The following SLC4A4 variants were observed in gnomAD, a reference collection of about 807,000 sequenced individuals.
SLC4A4 encodes solute carrier family 4 member 4.
Under a neutral mutation model 111.5 loss-of-function variants are expected in SLC4A4, and 27 were observed. The ratio of observed to expected loss-of-function variants is 0.24; its 90% confidence interval spans 0.18 to 0.33. The LOEUF (loss-of-function observed/expected upper bound fraction) is 0.33, where lower values mean the gene tolerates loss of function less well. SLC4A4 is among the 10% of genes least tolerant of loss of function. The pLI, the probability that SLC4A4 is intolerant of heterozygous loss-of-function variation, is 1.00. For synonymous variants in SLC4A4, 443 were observed against 463.4 expected (o/e 0.96, Z 0.57); for missense variants, 909 against 1,315.5 (o/e 0.69, Z 4.78).
intron 1 of SLC4A4, among the ~76,000 whole-genome samples, chr4:71,227,230 G>A (rs1400538112): frequency 6.6e-6 from 1 of 152,144 alleles, no homozygotes; most frequent in Non-Finnish European, 1.5e-5. Flanking sequence ...ATTAATTAGA[G>A]GAAATAGCAT....
chr4:71,440,464 T>C (rs1671658096), intron 7 of SLC4A4, 152 bp from the exon 8 acceptor site: 3 of 769,978 alleles, frequency 3.9e-6, no homozygotes, highest in Admixed American at 4.1e-5. Flanking sequence ...TAAAAGTGGC[T>C]AGCTAGAACA....
intron 1 of SLC4A4, among the ~76,000 whole-genome samples, chr4:71,228,293 G>A (rs574442515): frequency 2.0e-5 from 3 of 152,254 alleles, no homozygotes; most frequent in African/African-American, 7.2e-5. Context: ...TGGAGAAGAT[G>A]GAAAGGGAGA....
At chr4:71,360,134 G>A (rs1730641234) in intron 6 of SLC4A4, among the ~76,000 whole-genome samples, 1 of 152,108 alleles carries the variant, frequency 6.6e-6, no homozygotes, top group Non-Finnish European at 1.5e-5. Context: ...ATTGCTTTCT[G>A]CCTGTTTCAC....
chr4:71,300,966 C>G, intron 3 of SLC4A4: 1 of 509,226 alleles, frequency 2.0e-6, no homozygotes, highest in South Asian at 1.5e-5. Context: ...CAGGGCTGAT[C>G]ATGTGAAGGG....
chr4:71,523,101 T>C (rs73829822), intron 16 of SLC4A4, among the ~76,000 whole-genome samples: 2,121 of 152,272 alleles, frequency 0.014, 37 homozygotes, highest in South Asian at 0.069. Context: ...TCAAAAATTA[T>C]CTTGGTGAAT....
intron 18 of SLC4A4, among the ~76,000 whole-genome samples, chr4:71,540,350 G>T (rs977691240): frequency 3.3e-5 from 5 of 152,120 alleles, no homozygotes; most frequent in Non-Finnish European, 1.5e-5. Context: ...TTTGATTTCT[G>T]TGGATTTATT....
chr4:71,351,273 T>G (rs1445947185), intron 5 of SLC4A4, among the ~76,000 whole-genome samples: 1 of 152,200 alleles, frequency 6.6e-6, no homozygotes, highest in East Asian at 1.9e-4. Flanking sequence ...TTTCTTCACA[T>G]GCAGCTAAAG....
chr4:71,399,187 A>T (rs1341294585), intron 7 of SLC4A4, among the ~76,000 whole-genome samples: 1 of 152,146 alleles, frequency 6.6e-6, no homozygotes, highest in Admixed American at 6.5e-5. Context: ...TTGTTATCTG[A>T]TGGAGGTTGT....
intron 3 of SLC4A4, among the ~76,000 whole-genome samples, chr4:71,307,810 T>C (rs1249301711): frequency 6.6e-6 from 1 of 152,108 alleles, no homozygotes; most frequent in African/African-American, 2.4e-5. Context: ...TCTCAAGGTG[T>C]GTGGAATCAA....
chr4:71,418,914 A>G (rs1722072382), intron 7 of SLC4A4, among the ~76,000 whole-genome samples: 1 of 152,230 alleles, frequency 6.6e-6, no homozygotes, highest in Admixed American at 6.5e-5. Flanking sequence ...TCTAACAGAC[A>G]GGACACTCAG....
chr4:71,551,050 T>G (rs572509844), intron 20 of SLC4A4, among the ~76,000 whole-genome samples: 1 of 151,990 alleles, frequency 6.6e-6, no homozygotes, highest in Admixed American at 6.6e-5. Context: ...TAGTTCTGTG[T>G]TTCTGCAGCA....
At chr4:71,144,847 A>G (rs1422232757) in intron 2 of SLC4A4, among the ~76,000 whole-genome samples, 2 of 152,018 alleles carry the variant, frequency 1.3e-5, no homozygotes, top group Non-Finnish European at 2.9e-5. Flanking sequence ...GGGATTTTGG[A>G]CTGAGACGAT....
intron 2 of SLC4A4, among the ~76,000 whole-genome samples, chr4:71,168,551 T>C (rs1231700726): frequency 6.6e-6 from 1 of 152,162 alleles, no homozygotes; most frequent in Non-Finnish European, 1.5e-5. Context: ...TATCAGGTCT[T>C]TTAAATTCTT....
intron 2 of SLC4A4, among the ~76,000 whole-genome samples, chr4:71,140,174 C>T (rs1350325068): frequency 6.6e-6 from 1 of 152,118 alleles, no homozygotes; most frequent in Non-Finnish European, 1.5e-5. Context: ...AATCCCGGAC[C>T]TTTGGGAGAC....
In SLC4A4 at chr4:71,568,028, C is replaced by G. The variant is rs1320073954; in HGVS notation, c.*277C>G. 2 of 635,392 alleles carry G rather than the reference C, an allele frequency of 3.1e-6. No individual in the cohort carries two copies. Among genetic ancestry groups the G allele is most frequent in the Non-Finnish European group, 5.7e-6 (2 of 352,476 alleles). The allele number at this position is 635,392 out of a possible 1,614,324, so 39.4% of individuals were successfully genotyped here. On this transcript the variant is annotated 3_prime_UTR_variant, in exon 26 of 26. Coordinates refer to ENST00000264485, the MANE Select transcript of SLC4A4 (RefSeq NM_001098484.3). ...AAATAATACAGCGCTCTCTCTGCTT[C>G]TCTCTTGCATAGACACAATCAAGAC...
intron 1 of SLC4A4, among the ~76,000 whole-genome samples, chr4:71,076,943 T>G (rs1002905518): frequency 1.1e-4 from 17 of 151,846 alleles, no homozygotes; most frequent in Non-Finnish European, 7.4e-5. Flanking sequence ...TGAGTTATGA[T>G]TGCATCACTG....
intron 2 of SLC4A4, among the ~76,000 whole-genome samples, chr4:71,159,581 C>A (rs1355329436): frequency 2.6e-5 from 4 of 152,106 alleles, no homozygotes; most frequent in Non-Finnish European, 5.9e-5. Flanking sequence ...CCAGGCTGGT[C>A]TGGAACTCCT....
At chr4:71,515,031 ATTTGG>A (rs1438519704) in intron 16 of SLC4A4, among the ~76,000 whole-genome samples, 2 of 150,538 alleles carry the variant, frequency 1.3e-5, no homozygotes, top group Non-Finnish European at 3.0e-5. Context: ...ATAGTTGTGG[ATTTGG>A]TTTGTTCATG....
At chr4:71,399,313 A>G (rs1476912939) in intron 7 of SLC4A4, among the ~76,000 whole-genome samples, 1 of 152,056 alleles carries the variant, frequency 6.6e-6, no homozygotes, top group Non-Finnish European at 1.5e-5. Flanking sequence ...TCAAGAAGCC[A>G]TATTCATGAT....
Sources: gnomAD v4.1 joint callset for allele counts (sites outside exome capture counted in the v4.1 genomes callset) on GRCh38, gnomAD v4.1.1 for gene constraint, MANE v1.5 for transcripts, NCBI Gene and HGNC (gene_info 2026-07-23, HGNC 2026-07-21) for gene names.